BICC1: variants seen among roughly 807,000 people sequenced by gnomAD.
The protein encoded by BICC1 is protein bicaudal C homolog 1.
BICC1 carries 43 observed loss-of-function variants against 111.0 expected under a neutral mutation model. That is an observed-to-expected ratio of 0.39 (90% CI 0.30 to 0.50). The LOEUF is 0.50. Among genes scored for constraint, BICC1 ranks in the 20% least tolerant of loss-of-function variants. The pLI is 0.88. For synonymous variants in BICC1, 467 were observed against 434.4 expected (o/e 1.07, Z -0.93); for missense variants, 1,091 against 1,203.2 (o/e 0.91, Z 1.38).
intron 1 of BICC1, among the ~76,000 whole-genome samples, chr10:58,572,222 T>G (rs1843977398): frequency 6.6e-6 from 1 of 152,184 alleles, no homozygotes. Flanking sequence ...ATGCTGGATA[T>G]TAGATCTTTG....
At chr10:58,601,403 C>A (rs1845035675) in intron 1 of BICC1, among the ~76,000 whole-genome samples, 1 of 151,214 alleles carries the variant, frequency 6.6e-6, no homozygotes, top group South Asian at 2.1e-4. Context: ...AAGAGTTTTG[C>A]AAATCCAAAT....
At chr10:58,672,147 A>G (rs1273895642) in intron 2 of BICC1, among the ~76,000 whole-genome samples, 1 of 152,172 alleles carries the variant, frequency 6.6e-6, no homozygotes, top group Non-Finnish European at 1.5e-5. Context: ...GGCATTGAGT[A>G]TATTCACATT....
At chr10:58,622,096 C>T (rs558628281) in intron 2 of BICC1, among the ~76,000 whole-genome samples, 2 of 151,784 alleles carry the variant, frequency 1.3e-5, no homozygotes, top group South Asian at 2.1e-4. Context: ...GTGAGAGGAT[C>T]ACCTGAGCCC....
At chr10:58,682,654 T>C (rs1839570807) in intron 2 of BICC1, among the ~76,000 whole-genome samples, 1 of 152,238 alleles carries the variant, frequency 6.6e-6, no homozygotes, top group Non-Finnish European at 1.5e-5. Flanking sequence ...CATGTGTCTG[T>C]TTCATGTGTC....
intron 15 of BICC1, among the ~76,000 whole-genome samples, chr10:58,804,996 C>T (rs981921299): frequency 6.6e-6 from 1 of 152,056 alleles, no homozygotes; most frequent in Admixed American, 6.6e-5. Context: ...CCCAACCCTC[C>T]TAAGACTGCA....
At chr10:58,521,389 G>A (rs966495246) in intron 1 of BICC1, among the ~76,000 whole-genome samples, 4 of 152,094 alleles carry the variant, frequency 2.6e-5, no homozygotes, top group South Asian at 2.1e-4. Flanking sequence ...TATTTAGCCC[G>A]CTGTCCCAAC....
chr10:58,658,648 A>G (rs1838740609), intron 2 of BICC1, among the ~76,000 whole-genome samples: 2 of 152,046 alleles, frequency 1.3e-5, no homozygotes, highest in African/African-American at 2.4e-5. Flanking sequence ...ATGGACTTCC[A>G]TTTTATTCAG....
In BICC1 at chr10:58,561,459, A is replaced by T. The variant is rs142858300; in HGVS notation, c.190+48126A>T. The stretch of plus-strand genomic sequence containing the variant: ...TCTTTATAGGTGAAATGAGTTTCTT[A>T]TATGCATATAACTGGGTCTTGTTTC... On this transcript the variant is annotated intron_variant, in intron 1 of 20. Coordinates refer to ENST00000373886, the MANE Select transcript of BICC1 (RefSeq NM_001080512.3). Among the ~76,000 whole-genome samples, 282 of 152,068 alleles carry T rather than the reference A, an allele frequency of 1.9e-3. 2 individuals are homozygous for T. Among genetic ancestry groups the T allele is most frequent in the African/African-American group, 6.6e-3 (273 of 41,550 alleles).
chr10:58,819,796 C>T (rs1193007123), intron 19 of BICC1, among the ~76,000 whole-genome samples: 2 of 152,068 alleles, frequency 1.3e-5, no homozygotes, highest in African/African-American at 2.4e-5. Context: ...GGTGGGGGAT[C>T]CTTGGGCAGT....
intron 2 of BICC1, among the ~76,000 whole-genome samples, chr10:58,622,978 T>A (rs1255143387): frequency 6.6e-6 from 1 of 152,168 alleles, no homozygotes; most frequent in African/African-American, 2.4e-5. Context: ...TACTTTGAGG[T>A]GTGCATGACA....
At chr10:58,780,856 AT>A (rs1429346149) in intron 3 of BICC1, among the ~76,000 whole-genome samples, 1 of 152,172 alleles carries the variant, frequency 6.6e-6, no homozygotes, top group Non-Finnish European at 1.5e-5. Context: ...GAAATACTTT[AT>A]TTTTATTGAA....
chr10:58,556,617 T>A (rs528127054), intron 1 of BICC1, among the ~76,000 whole-genome samples: 18 of 152,226 alleles, frequency 1.2e-4, no homozygotes, highest in African/African-American at 4.1e-4. Flanking sequence ...AGATTGCTCA[T>A]GAGTTTGTTT....
At chr10:58,523,872 G>C (rs1002158539) in intron 1 of BICC1, among the ~76,000 whole-genome samples, 42 of 152,066 alleles carry the variant, frequency 2.8e-4, no homozygotes, top group African/African-American at 9.9e-4. Flanking sequence ...GATACAAAAT[G>C]AATGTGCAAA....
chr10:58,794,443 G>A (rs368589218), intron 9 of BICC1, among the ~76,000 whole-genome samples: 1 of 150,516 alleles, frequency 6.6e-6, no homozygotes, highest in Admixed American at 6.6e-5. Flanking sequence ...TTCTGAGACA[G>A]GGTCTCACTT....
chr10:58,743,466 A>AT (rs5785344), intron 3 of BICC1, among the ~76,000 whole-genome samples: 121,756 of 143,764 alleles, frequency 0.85, 51,876 homozygotes, highest in African/African-American at 0.89. Flanking sequence ...ATTTGCTGGG[A>AT]TTTTTTTTTT....
intron 2 of BICC1, among the ~76,000 whole-genome samples, chr10:58,671,589 G>T (rs1429454617): frequency 6.6e-6 from 1 of 152,050 alleles, no homozygotes; most frequent in East Asian, 1.9e-4. Context: ...CTAAAAATGG[G>T]GTTCCAATTG....
intron 17 of BICC1, among the ~76,000 whole-genome samples, chr10:58,807,730 T>A (rs547646767): frequency 7.9e-5 from 12 of 151,964 alleles, no homozygotes; most frequent in African/African-American, 2.7e-4. Flanking sequence ...GGATGGAGAG[T>A]TCCATACTCC....
intron 3 of BICC1, among the ~76,000 whole-genome samples, chr10:58,780,548 GTA>G (rs1000586240): frequency 1.3e-4 from 20 of 152,156 alleles, no homozygotes; most frequent in African/African-American, 4.8e-4. Context: ...ATTACTCTCT[GTA>G]GCATAATAAA....
chr10:58,707,506 T>A (rs1471691460), intron 3 of BICC1, among the ~76,000 whole-genome samples: 4 of 152,020 alleles, frequency 2.6e-5, no homozygotes, highest in Non-Finnish European at 4.4e-5. Context: ...AAATAGAGTG[T>A]AAGGGCATTG....
Sources: gnomAD v4.1 joint callset for allele counts (sites outside exome capture counted in the v4.1 genomes callset) on GRCh38, gnomAD v4.1.1 for gene constraint, MANE v1.5 for transcripts, NCBI Gene and HGNC (gene_info 2026-07-23, HGNC 2026-07-21) for gene names.